SOX5: variants seen among roughly 807,000 people sequenced by gnomAD.
The protein encoded by SOX5 is SRY-box transcription factor 5, also known as transcription factor SOX-5.
Under a neutral mutation model 92.0 loss-of-function variants are expected in SOX5, and 9 were observed. The observed-to-expected ratio is 0.10, with a 90% CI of 0.06 to 0.17. SOX5 has a LOEUF of 0.17. Among genes scored for constraint, SOX5 ranks in the 10% least tolerant of loss-of-function variants. The pLI is 1.00. For missense variants in SOX5, 642 were observed against 944.5 expected, an observed-to-expected ratio of 0.68 and a Z score of 4.20; for synonymous variants, 344 against 336.3, an observed-to-expected ratio of 1.02 and a Z score of -0.25.
chr12:24,241,880 T>A (rs1176536715), intron 3 of SOX5, among the ~76,000 whole-genome samples: 1 of 152,148 alleles, frequency 6.6e-6, no homozygotes, highest in Non-Finnish European at 1.5e-5. Flanking sequence ...TAATTAAAGC[T>A]ACTGGGAAAA....
At chr12:23,582,932 GC>G (rs879613004) in intron 9 of SOX5, among the ~76,000 whole-genome samples, 1 of 151,882 alleles carries the variant, frequency 6.6e-6, no homozygotes, top group Non-Finnish European at 1.5e-5. Flanking sequence ...TGTTTAAAAT[GC>G]CCCCTGCTCA....
At chr12:24,042,672 T>C (rs2137011465) in intron 4 of SOX5, among the ~76,000 whole-genome samples, 1 of 152,242 alleles carries the variant, frequency 6.6e-6, no homozygotes, top group Admixed American at 6.5e-5. Flanking sequence ...GCACAAAAAA[T>C]TACTTCCTTT....
intron 2 of SOX5, among the ~76,000 whole-genome samples, chr12:24,367,152 G>T (rs938541291): frequency 1.3e-5 from 2 of 151,978 alleles, no homozygotes; most frequent in Non-Finnish European, 2.9e-5. Context: ...TAATTATGGG[G>T]CCCCTAAAAG....
At chr12:23,994,171 A>T (rs1033631568) in intron 4 of SOX5, among the ~76,000 whole-genome samples, 2 of 152,094 alleles carry the variant, frequency 1.3e-5, no homozygotes, top group Non-Finnish European at 2.9e-5. Flanking sequence ...GAATGTTTCT[A>T]TAAAGGTGTA....
intron 8 of SOX5, among the ~76,000 whole-genome samples, chr12:23,628,001 C>T (rs368474726): frequency 4.6e-5 from 7 of 151,958 alleles, no homozygotes; most frequent in South Asian, 2.1e-4. Flanking sequence ...TTAGGTCACA[C>T]AAAAACATCA....
intron 4 of SOX5, among the ~76,000 whole-genome samples, chr12:23,956,516 G>C (rs1403976687): frequency 6.6e-6 from 1 of 152,040 alleles, no homozygotes; most frequent in African/African-American, 2.4e-5. Flanking sequence ...ATCTGAGGTG[G>C]AACCATTTAA....
intron 8 of SOX5, among the ~76,000 whole-genome samples, chr12:23,629,009 C>G (rs1248780516): frequency 6.6e-6 from 1 of 151,900 alleles, no homozygotes. Context: ...TTCTAAGAAG[C>G]AAATAAAATG....
At chr12:24,484,609 C>T (rs1946330627) in intron 1 of SOX5, among the ~76,000 whole-genome samples, 1 of 152,040 alleles carries the variant, frequency 6.6e-6, no homozygotes, top group Non-Finnish European at 1.5e-5. Context: ...TGTTGAATGG[C>T]TTGTGATAAA....
chr12:24,081,939 A>C (rs1408241173), intron 4 of SOX5, among the ~76,000 whole-genome samples: 1 of 151,906 alleles, frequency 6.6e-6, no homozygotes, highest in Non-Finnish European at 1.5e-5. Flanking sequence ...CACATGACAA[A>C]ATCTATTCTT....
At chr12:24,040,275 C>T (rs889228490) in intron 4 of SOX5, among the ~76,000 whole-genome samples, 1 of 152,092 alleles carries the variant, frequency 6.6e-6, no homozygotes, top group African/African-American at 2.4e-5. Flanking sequence ...ACTGTGTAAC[C>T]TTAAATAAAT....
chr12:24,485,855 A>AT (rs1191656403), intron 1 of SOX5, among the ~76,000 whole-genome samples: 2 of 151,946 alleles, frequency 1.3e-5, no homozygotes, highest in Admixed American at 6.6e-5. Context: ...TCCTGCCAAT[A>AT]TTTTTTTCCC....
rs1555496991 is a variant in SOX5 at position 24,061,759 on chromosome 12, A to AAC, written c.-2+151583_-2+151584insGT. ...CAATATGACAGAAAAAAAAAAAAAA[A>AAC]AAAACCTTTCTCTTTTCTGTTTCCT... On this transcript the variant is annotated intron_variant, in intron 4 of 4. Coordinates refer to the SOX5 transcript ENST00000446891. Among the ~76,000 whole-genome samples the AAC allele has an allele frequency of 3.5e-3, 513 of 147,678 alleles. 10 individuals are homozygous for AAC. Among genetic ancestry groups the AAC allele is most frequent in the South Asian group, 0.026 (122 of 4,678 alleles).
At position 23,575,754 on chromosome 12, in the gene SOX5, T is replaced by A. The variant is rs1565957387; in HGVS notation, c.1249A>T (p.Met417Leu). 5 of 1,613,596 alleles carry A rather than the reference T, an allele frequency of 3.1e-6. No homozygotes were observed. Among genetic ancestry groups the A allele is most frequent in the Non-Finnish European group, 4.2e-6 (5 of 1,179,764 alleles). The part of the protein sequence containing the change: ...KSPTSPTSPH[M>L]PALRINSGAG... The stretch of plus-strand genomic sequence containing the variant: ...CCACTGTTTATTCTCAGAGCTGGCA[T>A]ATGGGGAGAGGTGGGTGATGTGGGT... The change falls in exon 10 of 15, where the codon ATG becomes TTG. Residue 417 changes from methionine to leucine, a missense_variant. By Grantham distance (15) the Met-to-Leu change is conservative (BLOSUM62 2). This residue lies in a region of SOX5 where 324 missense variants were observed against 461.6 expected (regional missense o/e 0.70). Transcript: ENST00000451604.
At position 24,537,903 on chromosome 12, in the gene SOX5, TTCAAATTTAGATTCATTGG is replaced by T. The variant is rs1489630626; in HGVS notation, c.-251+24407_-251+24425del. 6.6e-5 allele frequency among the ~76,000 whole-genome samples: 10 copies of T among 152,342 alleles called. No individual in the cohort carries two copies. The East Asian group carries it at 1.9e-3, about 29-fold the overall frequency. On this transcript the variant is annotated intron_variant, in intron 1 of 4. Transcript: ENST00000446891. ...CCATGCTGGTTTTGTATCTGTTCAG[TTCAAATTTAGATTCATTGG>T]TACTTTTCCACAGTTACATTTCTTG...
chr12:24,534,133 A>G (rs1398370585), intron 1 of SOX5, among the ~76,000 whole-genome samples: 1 of 152,364 alleles, frequency 6.6e-6, no homozygotes, highest in East Asian at 1.9e-4. Flanking sequence ...ATTGGAAGAA[A>G]CTTTGAAAAG....
intron 7 of SOX5, among the ~76,000 whole-genome samples, chr12:23,643,065 C>T (rs1251869347): frequency 1.2e-5 from 1 of 80,514 alleles, no homozygotes; most frequent in African/African-American, 4.1e-5. Flanking sequence ...CCAGCCTGGG[C>T]GACAGAGCGA....
chr12:24,440,968 T>A (rs998805139), intron 1 of SOX5, among the ~76,000 whole-genome samples: 1 of 152,170 alleles, frequency 6.6e-6, no homozygotes, highest in Non-Finnish European at 1.5e-5. Context: ...CTGGGTCACA[T>A]CCCACAGTCA....
chr12:24,242,364 A>G (rs1252530564), intron 3 of SOX5, among the ~76,000 whole-genome samples: 1 of 152,246 alleles, frequency 6.6e-6, no homozygotes, highest in African/African-American at 2.4e-5. Context: ...TAATTTCATT[A>G]TAAAGAAAGT....
chr12:23,766,432 A>G (rs1282201229), intron 3 of SOX5, among the ~76,000 whole-genome samples: 1 of 152,172 alleles, frequency 6.6e-6, no homozygotes, highest in East Asian at 1.9e-4. Context: ...AGGCTTTCTT[A>G]AAATGCAAAA....
Sources: allele counts gnomAD v4.1 joint callset (sites outside exome capture counted in the v4.1 genomes callset), GRCh38; gene constraint gnomAD v4.1.1; regional missense constraint gnomAD v4.1.1; transcripts MANE v1.5; gene names NCBI Gene and HGNC (gene_info 2026-07-23, HGNC 2026-07-21).